ERP44: variants seen among roughly 807,000 people sequenced by gnomAD.
The protein encoded by ERP44 is endoplasmic reticulum resident protein 44.
ERP44 carries 25 observed loss-of-function variants against 53.4 expected under a neutral mutation model. The ratio of observed to expected loss-of-function variants is 0.47; its 90% CI spans 0.34 to 0.65. The LOEUF is 0.65. ERP44 is among the 30% of genes least tolerant of loss of function. The pLI, the probability that ERP44 is intolerant of heterozygous loss-of-function variation, is 0.01. For missense variants in ERP44, 338 were observed against 493.2 expected (o/e 0.69, Z 2.98); for synonymous variants, 145 against 161.2 (o/e 0.90, Z 0.76).
chr9:100,009,671 G>C (rs1326499368), intron 8 of ERP44, among the ~76,000 whole-genome samples: 1 of 152,074 alleles, frequency 6.6e-6, no homozygotes. Context: ...ACTTCTAACT[G>C]ATCGCTTATC....
intron 10 of ERP44, among the ~76,000 whole-genome samples, chr9:99,990,582 G>A (rs1020203435): frequency 2.6e-4 from 39 of 152,194 alleles, no homozygotes; most frequent in African/African-American, 8.2e-4. Flanking sequence ...AAAGACCATT[G>A]ATGCTAGGAA....
intron 11 of ERP44, among the ~76,000 whole-genome samples, chr9:99,983,071 G>C (rs990028516): frequency 6.6e-6 from 1 of 152,124 alleles, no homozygotes; most frequent in Non-Finnish European, 1.5e-5. Context: ...TTCTGCACGT[G>C]ACTGCTAAGA....
At chr9:100,059,120 G>A (rs1481574282) in intron 2 of ERP44, among the ~76,000 whole-genome samples, 1 of 152,116 alleles carries the variant, frequency 6.6e-6, no homozygotes, top group African/African-American at 2.4e-5. Flanking sequence ...CCATAAGACA[G>A]GAATAGACTT....
chr9:100,019,968 AAAAAAATAAAAAGAAAAAG>A (rs1235549143), intron 6 of ERP44, among the ~76,000 whole-genome samples: 7 of 152,298 alleles, frequency 4.6e-5, no homozygotes, highest in African/African-American at 1.7e-4. Flanking sequence ...CTAATCTTTG[AAAAAAATAAAAAGAAAAAG>A]AAAGGTGAAA....
chr9:99,994,843 G>A (rs1830294441), intron 10 of ERP44, among the ~76,000 whole-genome samples: 1 of 152,058 alleles, frequency 6.6e-6, no homozygotes, highest in African/African-American at 2.4e-5. Flanking sequence ...AGCTATTCTG[G>A]TTTAACCTTT....
At chr9:100,092,303 A>G (rs1826567959) in intron 1 of ERP44, among the ~76,000 whole-genome samples, 1 of 152,266 alleles carries the variant, frequency 6.6e-6, no homozygotes, top group African/African-American at 2.4e-5. Context: ...CACATGTGCA[A>G]CATGCTGACA....
intron 1 of ERP44, among the ~76,000 whole-genome samples, chr9:100,067,847 C>T (rs1397101014): frequency 6.6e-6 from 1 of 151,740 alleles, no homozygotes; most frequent in East Asian, 1.9e-4. Flanking sequence ...CTGGCCGCCC[C>T]GTCTGAGAAG....
chr9:100,052,110 T>G (rs1460854974), intron 4 of ERP44, among the ~76,000 whole-genome samples: 1 of 152,190 alleles, frequency 6.6e-6, no homozygotes, highest in African/African-American at 2.4e-5. Context: ...TTTTGGTATT[T>G]GCTTTGGTAG....
At chr9:99,994,785 C>G (rs972905947) in intron 10 of ERP44, among the ~76,000 whole-genome samples, 2 of 152,118 alleles carry the variant, frequency 1.3e-5, no homozygotes, top group Non-Finnish European at 2.9e-5. Flanking sequence ...TGTCTTAAAA[C>G]TAGGTAATGT....
At chr9:100,039,028 AT>A (rs976052114) in intron 4 of ERP44, among the ~76,000 whole-genome samples, 1 of 152,216 alleles carries the variant, frequency 6.6e-6, no homozygotes, top group Non-Finnish European at 1.5e-5. Context: ...ACACTGGAAC[AT>A]CCAGATATAT....
chr9:99,999,088 T>C (rs1187099845), intron 10 of ERP44: 2 of 687,058 alleles, frequency 2.9e-6, no homozygotes, highest in African/African-American at 1.8e-5. Flanking sequence ...CGCACGGCCG[T>C]TCCCACAGCG....
chr9:100,091,082 T>C (rs1274022603), intron 1 of ERP44, among the ~76,000 whole-genome samples: 5 of 152,224 alleles, frequency 3.3e-5, no homozygotes, highest in Non-Finnish European at 7.3e-5. Context: ...AATGTTTTTC[T>C]GAGATGGGTT....
chr9:100,047,720 A>G (rs1359663553), intron 4 of ERP44, among the ~76,000 whole-genome samples: 1 of 152,228 alleles, frequency 6.6e-6, no homozygotes, highest in Non-Finnish European at 1.5e-5. Context: ...ACCAATGTAA[A>G]AATACATAAG....
chr9:100,063,285 A>C (rs146853496), intron 1 of ERP44, among the ~76,000 whole-genome samples: 46 of 152,188 alleles, frequency 3.0e-4, no homozygotes, highest in Admixed American at 2.9e-3. Context: ...TGTGTTTGTT[A>C]AGAGGGCCCA....
At chr9:100,008,918 T>C (rs1830444540) in intron 8 of ERP44, among the ~76,000 whole-genome samples, 1 of 151,436 alleles carries the variant, frequency 6.6e-6, no homozygotes, top group African/African-American at 2.4e-5. Flanking sequence ...ATTTTTGTTA[T>C]TTTTTGTAGA....
At chr9:100,035,176 T>C (rs948607214) in intron 4 of ERP44, among the ~76,000 whole-genome samples, 1 of 152,148 alleles carries the variant, frequency 6.6e-6, no homozygotes, top group Non-Finnish European at 1.5e-5. Flanking sequence ...AAAAAATTTA[T>C]GGCTAAGACA....
intron 3 of ERP44, 21 bp downstream of exon 3, chr9:100,057,799 C>A (rs548803599): frequency 3.2e-5 from 51 of 1,590,822 alleles, no homozygotes; most frequent in Middle Eastern, 1.7e-4. Flanking sequence ...AAAACCAAAC[C>A]CAAACAATAA....
Position 100,020,747 on chromosome 9 carries a change from T to C in ERP44, c.472-16A>G, listed in dbSNP as rs1019880612. 3.0e-6 allele frequency: 4 copies of C among 1,342,966 alleles called. No individual in the cohort carries two copies. The highest frequency in any genetic ancestry group is 4.3e-6 in the Non-Finnish European group (4 of 937,440). 83.2% of individuals were successfully genotyped at this position (1,342,966 alleles called of 1,614,324 possible). On this transcript the variant is annotated splice_polypyrimidine_tract_variant and intron_variant, in intron 5 of 11. Coordinates refer to ENST00000262455, the MANE Select transcript of ERP44 (RefSeq NM_015051.3). ...TTTTGCTGCGCTGTAAAATAAAGTA[T>C]GCAATTATTTTGCAAACATACATAG...
At position 100,006,559 on chromosome 9, in the gene ERP44, G is replaced by A. The variant is rs923671316; in HGVS notation, c.963C>T (p.Ile321=). 8.1e-6 allele frequency: 13 copies of A among 1,610,002 alleles called. No homozygotes were observed. Among genetic ancestry groups the A allele is most frequent in the African/African-American group, 4.0e-5 (3 of 74,772 alleles). ...IQKTPADCPV[I]AIDSFRHMYV... is the part of the protein sequence containing the mutation. ...ACATATGCCTAAAGCTGTCAATAGC[G>A]ATTACAGGACAATCTGCTGGAGTTT... Residue 321 remains isoleucine (I), a synonymous_variant, in exon 10 of 12, where the codon ATC becomes ATT. Transcript: ENST00000262455.
Sources: gnomAD v4.1 joint callset for allele counts (sites outside exome capture counted in the v4.1 genomes callset) on GRCh38, gnomAD v4.1.1 for gene constraint, MANE v1.5 for transcripts, NCBI Gene and HGNC (gene_info 2026-07-23, HGNC 2026-07-21) for gene names.